The following NHS variants were observed in gnomAD, a reference collection of about 807,000 sequenced individuals.
NHS encodes actin remodeling regulator NHS.
NHS carries 5 observed loss-of-function variants against 72.5 expected under a neutral mutation model. The ratio of observed to expected loss-of-function variants is 0.07; its 90% CI spans 0.04 to 0.14. The LOEUF is 0.14. Among genes scored for constraint, NHS ranks in the 10% least tolerant of loss-of-function variants. NHS has a pLI of 1.00. For synonymous variants in NHS, 464 were observed against 547.7 expected (o/e 0.85, Z 2.13); for missense variants, 1,072 against 1,355.7 (o/e 0.79, Z 3.29).
intron 3 of NHS, among the ~76,000 whole-genome samples, chrX:17,696,344 G>A (rs185487395): frequency 2.7e-5 from 3 of 111,987 alleles, no homozygotes; most frequent in East Asian, 5.6e-4. Flanking sequence ...AAGGGTTCCC[G>A]GAGAGGTGTG....
intron 1 of NHS, among the ~76,000 whole-genome samples, chrX:17,561,557 T>TGCGCGCGCGCGC (rs1240571846): frequency 1.3e-5 from 1 of 76,516 alleles, no homozygotes; most frequent in Non-Finnish European, 2.4e-5. Context: ...TGCAAGTGCA[T>TGCGCGCGCGCGC]GCGCGCGCGC....
chrX:17,695,315 A>C (rs2066221552), intron 3 of NHS, among the ~76,000 whole-genome samples: 1 of 112,318 alleles, frequency 8.9e-6, no homozygotes, highest in African/African-American at 3.2e-5. Flanking sequence ...TTAATCACAA[A>C]TATCCCAAAT....
chrX:17,679,920 C>T (rs1023773841), intron 1 of NHS, among the ~76,000 whole-genome samples: 1 of 110,978 alleles, frequency 9.0e-6, no homozygotes, highest in African/African-American at 3.3e-5. Context: ...GTCATCTTTC[C>T]CTGATGATAT....
intron 3 of NHS, among the ~76,000 whole-genome samples, chrX:17,701,971 G>A (rs1254856220): frequency 9.0e-6 from 1 of 111,188 alleles, no homozygotes; most frequent in African/African-American, 3.3e-5. Context: ...CAAAACATGC[G>A]TTATAATGAA....
At chrX:17,468,846 C>T (rs1192701879) in intron 1 of NHS, among the ~76,000 whole-genome samples, 3 of 111,462 alleles carry the variant, frequency 2.7e-5, no homozygotes, top group African/African-American at 9.8e-5. Context: ...TGAACCACCT[C>T]GCCTGGCCTT....
chrX:17,445,943 A>G (rs1221506479), intron 1 of NHS, among the ~76,000 whole-genome samples: 1 of 110,203 alleles, frequency 9.1e-6, no homozygotes, highest in Non-Finnish European at 1.9e-5. Context: ...CTCTCTAATT[A>G]GATGTCCTGG....
intron 1 of NHS, among the ~76,000 whole-genome samples, chrX:17,576,700 A>G (rs980059379): frequency 8.9e-6 from 1 of 111,999 alleles, no homozygotes. Context: ...CGCAGGTGCC[A>G]TTAAGAAAAC....
At chrX:17,589,798 G>A (rs1267099357) in intron 1 of NHS, among the ~76,000 whole-genome samples, 2 of 111,737 alleles carry the variant, frequency 1.8e-5, no homozygotes, top group African/African-American at 6.5e-5. Context: ...ATTCCCACCA[G>A]CAGTGTAGAA....
intron 5 of NHS, among the ~76,000 whole-genome samples, chrX:17,723,770 TGCGCGCGC>T (rs1556037732): frequency 1.1e-5 from 1 of 91,336 alleles, no homozygotes; most frequent in Admixed American, 1.1e-4. Context: ...TGTGTGTGTG[TGCGCGCGC>T]GTGCGCGCAT....
chrX:17,723,779 G>A lies in NHS; in HGVS notation c.1109-520G>A, dbSNP rs1008749671. Among the ~76,000 whole-genome samples, 100 of 100,971 alleles carry A rather than the reference G, an allele frequency of 9.9e-4. 1 individual carries two copies. Among genetic ancestry groups the A allele is most frequent in the African/African-American group, 2.2e-3 (56 of 25,030 alleles). 87.7% of individuals were successfully genotyped at this position (100,971 alleles called of 115,157 possible). ...TGTGTGTGTGTGTGTGTGCGCGCGCGTGCGCGCATGGGGAATGCAAGAAGG... is the reference window on the plus strand; with the variant it reads ...TGTGTGTGTGTGTGTGTGCGCGCGCATGCGCGCATGGGGAATGCAAGAAGG... On this transcript the variant is annotated intron_variant, in intron 5 of 8. Coordinates refer to ENST00000676302, the MANE Select transcript of NHS (RefSeq NM_001291867.2).
intron 1 of NHS, among the ~76,000 whole-genome samples, chrX:17,396,508 T>C (rs994206301): frequency 1.8e-5 from 2 of 111,806 alleles, no homozygotes; most frequent in African/African-American, 6.5e-5. Flanking sequence ...ATGTTAACAG[T>C]AGTTATGTCT....
intron 1 of NHS, among the ~76,000 whole-genome samples, chrX:17,563,425 G>T (rs764470224): frequency 8.9e-6 from 1 of 112,656 alleles, no homozygotes; most frequent in East Asian, 2.8e-4. Context: ...ATAATGTGGA[G>T]GCCAACGGCC....
At chrX:17,704,141 A>G (rs2066281826) in intron 3 of NHS, among the ~76,000 whole-genome samples, 1 of 111,207 alleles carries the variant, frequency 9.0e-6, no homozygotes, top group African/African-American at 3.3e-5. Flanking sequence ...CACTAGGTGC[A>G]GTGGCACGTG....
At chrX:17,407,884 AT>A (rs2064536896) in intron 1 of NHS, among the ~76,000 whole-genome samples, 1 of 111,739 alleles carries the variant, frequency 8.9e-6, no homozygotes, top group Non-Finnish European at 1.9e-5. Context: ...ATGGGGCAAC[AT>A]TCTGAAGAAA....
At chrX:17,409,832 C>T (rs180951214) in intron 1 of NHS, among the ~76,000 whole-genome samples, 2 of 112,021 alleles carry the variant, frequency 1.8e-5, no homozygotes, top group African/African-American at 3.2e-5. Context: ...AGAGCTAAAG[C>T]TTTCCTTTGG....
chrX:17,475,185 G>A (rs1255273133), intron 1 of NHS, among the ~76,000 whole-genome samples: 2 of 112,223 alleles, frequency 1.8e-5, no homozygotes, highest in East Asian at 5.6e-4. Flanking sequence ...TCTGAATTGG[G>A]CTGTAGCCAC....
At chrX:17,484,780 T>C (rs992772878) in intron 1 of NHS, among the ~76,000 whole-genome samples, 1 of 110,134 alleles carries the variant, frequency 9.1e-6, no homozygotes, top group East Asian at 2.9e-4. Context: ...ATGTGGACTC[T>C]GGATTGGTTG....
chrX:17,545,001 G>T (rs2065284956), intron 1 of NHS, among the ~76,000 whole-genome samples: 1 of 112,562 alleles, frequency 8.9e-6, no homozygotes, highest in Non-Finnish European at 1.9e-5. Context: ...CCCCAGAACT[G>T]GCTGACTCCA....
chrX:17,698,123 G>T (rs1275165759), intron 3 of NHS, among the ~76,000 whole-genome samples: 1 of 110,772 alleles, frequency 9.0e-6, no homozygotes, highest in Non-Finnish European at 1.9e-5. Flanking sequence ...TTTCAATTTG[G>T]CTCACAAAGC....
Sources: gnomAD v4.1 joint callset for allele counts (sites outside exome capture counted in the v4.1 genomes callset) on GRCh38, gnomAD v4.1.1 for gene constraint, MANE v1.5 for transcripts, NCBI Gene and HGNC (gene_info 2026-07-23, HGNC 2026-07-21) for gene names.